The following DSCAM variants were observed in gnomAD, a reference collection of about 807,000 sequenced individuals.
DSCAM encodes the protein cell adhesion molecule DSCAM.
A neutral mutation model predicts 217.7 loss-of-function variants in DSCAM; 47 were observed. That is an observed-to-expected ratio of 0.22 (90% CI 0.17 to 0.28). The LOEUF (loss-of-function observed/expected upper bound fraction) is 0.28. Among genes scored for constraint, DSCAM ranks in the 10% least tolerant of loss-of-function variants. DSCAM has a pLI of 1.00. For synonymous variants in DSCAM, 1,056 were observed against 1,015.3 expected, an observed-to-expected ratio of 1.04 and a Z score of -0.76; for missense variants, 2,080 against 2,618.3, an observed-to-expected ratio of 0.79 and a Z score of 4.49.
chr21:40,416,218 T>C (rs911403443), intron 3 of DSCAM, among the ~76,000 whole-genome samples: 4 of 152,164 alleles, frequency 2.6e-5, no homozygotes, highest in Non-Finnish European at 5.9e-5. Context: ...TCTATTTCTT[T>C]GTGGCATTTT....
intron 32 of DSCAM, among the ~76,000 whole-genome samples, chr21:40,035,828 G>T (rs1285906267): frequency 6.2e-5 from 9 of 144,794 alleles, no homozygotes; most frequent in Non-Finnish European, 1.4e-4. Flanking sequence ...TCAGACCACA[G>T]TGCAATCAAA....
chr21:40,016,359 G>A lies in DSCAM; in HGVS notation c.5687-2973C>T, dbSNP rs184588573. Among the ~76,000 whole-genome samples, 23 of 152,226 alleles carry A rather than the reference G, an allele frequency of 1.5e-4. No individual in the cohort carries two copies. The highest frequency in any genetic ancestry group is 2.8e-4 in the Non-Finnish European group (19 of 67,998). Reference sequence around the variant, plus strand: ...ACAGTGAAATCACTAACTGTGAAAGGGTGTATAGGGGAAAGATCGTACTTT... The same window carrying A: ...ACAGTGAAATCACTAACTGTGAAAGAGTGTATAGGGGAAAGATCGTACTTT... On this transcript the variant is annotated intron_variant, in intron 32 of 32. Transcript: ENST00000400454. The surrounding 1 kb of genome is among the most constrained non-coding windows in gnomAD (Gnocchi z 4.3).
At chr21:40,742,804 T>C (rs1231916403) in intron 1 of DSCAM, among the ~76,000 whole-genome samples, 3 of 152,230 alleles carry the variant, frequency 2.0e-5, no homozygotes, top group Non-Finnish European at 4.4e-5. Context: ...GTTACTGTTA[T>C]TGCCATCTTC....
intron 3 of DSCAM, among the ~76,000 whole-genome samples, chr21:40,686,250 G>C (rs984530680): frequency 3.0e-4 from 24 of 79,198 alleles, no homozygotes; most frequent in Non-Finnish European, 4.7e-4. Context: ...ACCACACACA[G>C]CACACACTCC....
chr21:40,805,690 A>C (rs754370896), intron 1 of DSCAM, among the ~76,000 whole-genome samples: 15 of 149,398 alleles, frequency 1.0e-4, no homozygotes, highest in Non-Finnish European at 2.2e-4. Flanking sequence ...CCCTTTATTA[A>C]ACACAATGTT....
chr21:40,611,551 G>A (rs1481659800), intron 3 of DSCAM, among the ~76,000 whole-genome samples: 1 of 152,178 alleles, frequency 6.6e-6, no homozygotes, highest in Non-Finnish European at 1.5e-5. Context: ...AACACTGTGT[G>A]TGGCCAGGGC....
At position 40,354,069 on chromosome 21, in the gene DSCAM, C is replaced by G. The variant is rs1360711127; in HGVS notation, c.656-326G>C. The stretch of plus-strand genomic sequence containing the variant: ...ATTGTCTTTTCATAACTGGGAATGT[C>G]AGAATTCTCTTTAAAAGATCCTTAA... On this transcript the variant is annotated intron_variant, in intron 4 of 32. Transcript: ENST00000400454. Among the ~76,000 whole-genome samples the G allele has an allele frequency of 1.1e-4, 16 of 152,224 alleles. 1 individual carries two copies. The highest frequency in any genetic ancestry group is 1.0e-3 in the Admixed American group (16 of 15,290).
intron 3 of DSCAM, among the ~76,000 whole-genome samples, chr21:40,642,782 G>A (rs1317694358): frequency 6.6e-6 from 1 of 152,060 alleles, no homozygotes; most frequent in African/African-American, 2.4e-5. Context: ...AGAGTTGGGG[G>A]TTCTGCCATG....
intron 20 of DSCAM, among the ~76,000 whole-genome samples, chr21:40,096,130 G>C (rs1426096038): frequency 6.6e-6 from 1 of 152,124 alleles, no homozygotes; most frequent in Non-Finnish European, 1.5e-5. Context: ...ATGCATATCT[G>C]ATGGCCTCCT....
At position 40,683,932 on chromosome 21, in the gene DSCAM, C is replaced by A. The variant is rs138979631; in HGVS notation, c.508+8878G>T. Among the ~76,000 whole-genome samples, 232 of 152,134 alleles carry A rather than the reference C, an allele frequency of 1.5e-3. 1 individual carries two copies. The highest frequency in any genetic ancestry group is 5.4e-3 in the African/African-American group (224 of 41,498). ...GAGCATCCAGACAATCAGTGAAGAG[C>A]TGGTTAAGACCGGGCCACGCACGGT... is the stretch of plus-strand genomic sequence containing the variant. On this transcript the variant is annotated intron_variant, in intron 3 of 32. Transcript: ENST00000400454.
At chr21:40,564,108 A>G (rs2076747385) in intron 3 of DSCAM, among the ~76,000 whole-genome samples, 2 of 152,158 alleles carry the variant, frequency 1.3e-5, no homozygotes, top group Non-Finnish European at 2.9e-5. Context: ...AATGATAACC[A>G]CAATAAATGT....
chr21:40,497,254 C>A (rs577768717), intron 3 of DSCAM, among the ~76,000 whole-genome samples: 1 of 151,982 alleles, frequency 6.6e-6, no homozygotes, highest in Non-Finnish European at 1.5e-5. Flanking sequence ...TAAGTGTCAA[C>A]AGAAGAATAA....
At chr21:40,477,432 A>G (rs2075946798) in intron 3 of DSCAM, among the ~76,000 whole-genome samples, 1 of 152,176 alleles carries the variant, frequency 6.6e-6, no homozygotes, top group South Asian at 2.1e-4. Context: ...CTATAGTAGA[A>G]ATTTGCAATT....
At chr21:40,735,416 T>G (rs1280481069) in intron 1 of DSCAM, among the ~76,000 whole-genome samples, 1 of 152,204 alleles carries the variant, frequency 6.6e-6, no homozygotes, top group East Asian at 1.9e-4. Context: ...TCATCTGAAA[T>G]GAGTGTGTGC....
chr21:40,183,384 A>G (rs2146816630), intron 14 of DSCAM, among the ~76,000 whole-genome samples: 1 of 152,304 alleles, frequency 6.6e-6, no homozygotes, highest in Non-Finnish European at 1.5e-5. Flanking sequence ...GAGAAGAAGA[A>G]TGTTCCAGAT....
chr21:40,672,942 C>T (rs547538011), intron 3 of DSCAM, among the ~76,000 whole-genome samples: 1 of 152,142 alleles, frequency 6.6e-6, no homozygotes, highest in Non-Finnish European at 1.5e-5. Context: ...GTTTGCTCTC[C>T]CCCGCACTTT....
At chr21:40,702,366 C>A (rs1194019604) in intron 2 of DSCAM, among the ~76,000 whole-genome samples, 3 of 152,136 alleles carry the variant, frequency 2.0e-5, no homozygotes. Flanking sequence ...CACACTAATG[C>A]AAGATGCTCT....
chr21:40,300,049 T>TA (rs2123458189), intron 9 of DSCAM, among the ~76,000 whole-genome samples: 1 of 151,450 alleles, frequency 6.6e-6, no homozygotes, highest in East Asian at 1.9e-4. Flanking sequence ...TGCTTGCTTA[T>TA]TAAAGAGAGG....
chr21:40,834,125 T>C (rs2837852), intron 1 of DSCAM, among the ~76,000 whole-genome samples: 46,779 of 151,856 alleles, frequency 0.31, 7,677 homozygotes, highest in Admixed American at 0.42. Context: ...TTATTTCCAT[T>C]TGCCAAAAAA....
Sources: gnomAD v4.1 joint callset for allele counts (sites outside exome capture counted in the v4.1 genomes callset) on GRCh38, gnomAD v4.1.1 for gene constraint, Gnocchi (gnomAD v3.1) non-coding constraint, MANE v1.5 for transcripts, NCBI Gene and HGNC (gene_info 2026-07-23, HGNC 2026-07-21) for gene names.